Variants in FUNDC1 observed in about 807,000 individuals in gnomAD.
The protein encoded by FUNDC1 is FUN14 domain containing 1, also known as FUN14 domain-containing protein 1.
A neutral mutation model predicts 14.5 loss-of-function variants in FUNDC1; 10 were observed. The ratio of observed to expected loss-of-function variants is 0.69; its 90% CI spans 0.43 to 1.17. The LOEUF (loss-of-function observed/expected upper bound fraction) is 1.17. Among genes scored for constraint, FUNDC1 ranks in the 50% most tolerant of loss-of-function variants. FUNDC1 has a pLI of 0.00. For synonymous variants in FUNDC1, 33 were observed against 39.7 expected (o/e 0.83, Z 0.64); for missense variants, 115 against 113.8 (o/e 1.01, Z -0.05).
intron 3 of FUNDC1, among the ~76,000 whole-genome samples, chrX:44,534,063 C>T (rs2038937863): frequency 9.5e-6 from 1 of 105,818 alleles, no homozygotes; most frequent in Non-Finnish European, 1.9e-5. Flanking sequence ...GAGACTCTGT[C>T]TCAAAAAAAA....
At chrX:44,539,156 T>C (rs754178925) in intron 2 of FUNDC1, among the ~76,000 whole-genome samples, 180 of 111,933 alleles carry the variant, frequency 1.6e-3, no homozygotes, top group African/African-American at 5.7e-3. Flanking sequence ...TTAAATGTTT[T>C]TTGTGTCTCA....
Position 44,523,907 on chromosome X carries a change from A to T in FUNDC1, c.*291T>A, listed in dbSNP as rs774446793. Reference sequence around the variant, plus strand: ...TCTTTTCTCTCCATATCTACATCCAATGGTGATATTTTATAGGCTAGTTTC... The same window carrying T: ...TCTTTTCTCTCCATATCTACATCCATTGGTGATATTTTATAGGCTAGTTTC... On this transcript the variant is annotated 3_prime_UTR_variant, in exon 5 of 5. Coordinates refer to ENST00000378045, the MANE Select transcript of FUNDC1 (RefSeq NM_173794.4). The T allele has an allele frequency of 3.1e-4, 75 of 238,761 alleles. No individual in the cohort carries two copies. The highest frequency in any genetic ancestry group is 1.2e-3 in the Middle Eastern group (1 of 812). The allele number at this position is 238,761 out of a possible 1,213,427, so 19.7% of individuals were successfully genotyped here. A position where few individuals can be genotyped will look rare whatever the true frequency, so the allele number is the denominator to read the frequency against.
intron 4 of FUNDC1, among the ~76,000 whole-genome samples, chrX:44,526,334 G>A (rs2038901889): frequency 9.1e-6 from 1 of 109,629 alleles, no homozygotes; most frequent in Non-Finnish European, 1.9e-5. Context: ...GGAGGCTGGG[G>A]CAGGAGAATC....
At chrX:44,532,555 A>T (rs1474843826) in intron 3 of FUNDC1, among the ~76,000 whole-genome samples, 5 of 105,842 alleles carry the variant, frequency 4.7e-5, no homozygotes, top group African/African-American at 1.4e-4. Flanking sequence ...ATATATATAT[A>T]TATTTTTTTT....
chrX:44,524,192 A>G lies in FUNDC1; in HGVS notation c.*6T>C. On this transcript the variant is annotated 3_prime_UTR_variant, in exon 5 of 5. Coordinates refer to ENST00000378045, the MANE Select transcript of FUNDC1 (RefSeq NM_173794.4). ...TTGAATCCGTTATGGGAGAATATTCATGTCCTTAAGATGCAAGTCCGAGCA... is the reference window on the plus strand; with the variant it reads ...TTGAATCCGTTATGGGAGAATATTCGTGTCCTTAAGATGCAAGTCCGAGCA... 8.7e-7 allele frequency: 1 copy of G among 1,153,322 alleles called. No individual in the cohort carries two copies. The highest frequency in any genetic ancestry group is 1.2e-6 in the Non-Finnish European group (1 of 842,633).
intron 3 of FUNDC1, among the ~76,000 whole-genome samples, chrX:44,535,612 G>C (rs1438602393): frequency 1.0e-5 from 1 of 98,046 alleles, no homozygotes; most frequent in East Asian, 3.3e-4. Context: ...GGAGCTTGCA[G>C]TGAGCTGAGA....
chrX:44,542,729 G>A (rs2038977663), intron 1 of FUNDC1, 76 bp downstream of exon 1: 7 of 991,048 alleles, frequency 7.1e-6, no homozygotes, highest in Non-Finnish European at 9.7e-6. Flanking sequence ...GGCAGGGGAA[G>A]GAAGAGGTGC....
At chrX:44,540,931 T>G (rs2038968952) in intron 2 of FUNDC1, among the ~76,000 whole-genome samples, 1 of 111,137 alleles carries the variant, frequency 9.0e-6, no homozygotes, top group Non-Finnish European at 1.9e-5. Flanking sequence ...GTACATATCA[T>G]GAATAAATGC....
chrX:44,528,541 C>T (rs2038910639), intron 3 of FUNDC1, among the ~76,000 whole-genome samples: 1 of 112,368 alleles, frequency 8.9e-6, no homozygotes, highest in Non-Finnish European at 1.9e-5. Context: ...TTCTTATTGG[C>T]TTGCACTAAG....
chrX:44,541,162 CAAGTT>C (rs1281145137), intron 2 of FUNDC1, among the ~76,000 whole-genome samples: 1 of 112,361 alleles, frequency 8.9e-6, no homozygotes, highest in Non-Finnish European at 1.9e-5. Context: ...CGCTTATGCA[CAAGTT>C]AAGTACCCTC....
intron 3 of FUNDC1, among the ~76,000 whole-genome samples, chrX:44,532,747 T>C (rs1323631169): frequency 1.8e-5 from 2 of 109,749 alleles, no homozygotes; most frequent in Non-Finnish European, 3.8e-5. Context: ...AGATGGGGTT[T>C]CACCTTGTTG....
At position 44,538,460 on chromosome X, in the gene FUNDC1, G is replaced by C; in HGVS notation, c.261+7C>G. On this transcript the variant is annotated splice_region_variant and intron_variant, in intron 3 of 4. Transcript: ENST00000378045. ...AGCAAAGGCAAGTGCTTAAAGCTCT[G>C]ACATACCTGAAGAAGAAGAAAGCCA... 1 of 1,195,522 alleles carries C rather than the reference G, an allele frequency of 8.4e-7. No individual in the cohort carries two copies. The highest frequency in any genetic ancestry group is 1.1e-6 in the Non-Finnish European group (1 of 881,520).
intron 3 of FUNDC1, among the ~76,000 whole-genome samples, chrX:44,531,247 A>AACACAC (rs759868973): frequency 4.0e-5 from 2 of 50,405 alleles, no homozygotes; most frequent in Non-Finnish European, 6.3e-5. Context: ...TTTCCAGAAA[A>AACACAC]ACACACACAC....
Position 44,531,301 on chromosome X carries a change from ATT to A in FUNDC1, c.262-3938_262-3937del, listed in dbSNP as rs1569187104. On this transcript the variant is annotated intron_variant, in intron 3 of 4. Transcript: ENST00000378045. ...ACACACACACGGCTTTCAGATGAAGATTCATGTTGGCCAGACACACACACACA... is the reference window on the plus strand; with the variant it reads ...ACACACACACGGCTTTCAGATGAAGACATGTTGGCCAGACACACACACACA... 3.6e-3 allele frequency among the ~76,000 whole-genome samples: 149 copies of A among 40,992 alleles called. 18 individuals are homozygous for A. Among genetic ancestry groups the A allele is most frequent in the South Asian group, 8.1e-3 (8 of 987 alleles). 35.6% of individuals were successfully genotyped at this position (40,992 alleles called of 115,157 possible).
At chrX:44,535,609 G>C (rs2038944451) in intron 3 of FUNDC1, among the ~76,000 whole-genome samples, 2 of 98,341 alleles carry the variant, frequency 2.0e-5, no homozygotes, top group African/African-American at 7.8e-5. Flanking sequence ...GGCGGAGCTT[G>C]CAGTGAGCTG....
At chrX:44,529,362 C>T (rs1007417443) in intron 3 of FUNDC1, among the ~76,000 whole-genome samples, 3 of 111,588 alleles carry the variant, frequency 2.7e-5, no homozygotes, top group Non-Finnish European at 5.6e-5. Flanking sequence ...GAATTCTCTA[C>T]GTTTTGGGGG....
chrX:44,524,303 C>T (rs770120988), intron 4 of FUNDC1, 28 bp from the exon 5 acceptor site: 7 of 968,324 alleles, frequency 7.2e-6, no homozygotes, highest in Non-Finnish European at 1.0e-5. Context: ...CAAAAATACT[C>T]TTAATTATGC....
intron 3 of FUNDC1, among the ~76,000 whole-genome samples, chrX:44,530,642 G>A (rs12007115): frequency 0.14 from 15,436 of 106,965 alleles, 1,775 homozygotes; most frequent in African/African-American, 0.39. Flanking sequence ...GGGGCTGGGC[G>A]TGGTGGCTCA....
At position 44,524,245 on chromosome X, in the gene FUNDC1, T is replaced by C; in HGVS notation, c.421A>G (p.Ile141Val). The change falls in exon 5 of 5, where the codon ATA becomes GTA. Residue 141 changes from isoleucine (I) to valine (V), a missense_variant. Coordinates refer to ENST00000378045, the MANE Select transcript of FUNDC1 (RefSeq NM_173794.4). ...ATEFIKQNIVISSGFVGGFLL... is the reference protein window; with the variant it reads ...ATEFIKQNIVVSSGFVGGFLL... ...AAGCCTCCCACAAATCCACTGGATA[T>C]CACAATGTTCTGCTTGATAAATTCT... 8.3e-7 allele frequency: 1 copy of C among 1,205,359 alleles called. No individual in the cohort carries two copies. Among genetic ancestry groups the C allele is most frequent in the South Asian group, 1.8e-5 (1 of 56,721 alleles).
Sources: gnomAD v4.1 joint callset for allele counts (sites outside exome capture counted in the v4.1 genomes callset) on GRCh38, gnomAD v4.1.1 for gene constraint, MANE v1.5 for transcripts, NCBI Gene and HGNC (gene_info 2026-07-23, HGNC 2026-07-21) for gene names.